YPEL2: variants seen among roughly 807,000 people sequenced by gnomAD.
YPEL2 encodes yippee like 2.
Under a neutral mutation model 19.1 loss-of-function variants are expected in YPEL2, and 2 were observed. The observed-to-expected ratio is 0.10, with a 90% CI of 0.04 to 0.33. The LOEUF (loss-of-function observed/expected upper bound fraction) is 0.33, where lower values mean the gene tolerates loss of function less well. Ranked by LOEUF, YPEL2 falls within the 10% of genes least tolerant of loss-of-function variation. The probability of loss-of-function intolerance (pLI) is 1.00; values close to 1 mark genes in which losing one functional copy is unlikely to be tolerated. For synonymous variants in YPEL2, 52 were observed against 50.0 expected (o/e 1.04, Z -0.17); for missense variants, 66 against 140.7 (o/e 0.47, Z 2.68).
In YPEL2 at chr17:59,398,076, T is replaced by C. The variant is rs1185873433; in HGVS notation, c.*886T>C. On this transcript the variant is annotated 3_prime_UTR_variant, in exon 5 of 5. Coordinates refer to ENST00000312655, the MANE Select transcript of YPEL2 (RefSeq NM_001005404.4). Reference sequence around the variant, plus strand: ...AGAGCAGGGCACAAAGGGGCTGCAGTTTGGGAGCTCCTGAAGAAATGGCTC... The same window carrying C: ...AGAGCAGGGCACAAAGGGGCTGCAGCTTGGGAGCTCCTGAAGAAATGGCTC... The C allele has an allele frequency of 6.6e-6, 1 of 152,118 alleles. No homozygotes were observed. The highest frequency in any genetic ancestry group is 1.5e-5 in the Non-Finnish European group (1 of 68,032). The allele number at this position is 152,118 out of a possible 1,614,324, so 9.4% of individuals were successfully genotyped here.
At chr17:59,390,311 A>C (rs992328543) in intron 4 of YPEL2, among the ~76,000 whole-genome samples, 1 of 151,750 alleles carries the variant, frequency 6.6e-6, no homozygotes, top group Non-Finnish European at 1.5e-5. Context: ...CAACAAATTT[A>C]TTTCTTAATA....
chr17:59,373,277 T>A (rs983123591), intron 2 of YPEL2, among the ~76,000 whole-genome samples: 8 of 152,014 alleles, frequency 5.3e-5, no homozygotes, highest in African/African-American at 1.2e-4. Context: ...TACTGAGGAG[T>A]CCTTAGCAGC....
At chr17:59,389,311 A>G (rs2047996316) in intron 3 of YPEL2, 49 bp from the exon 4 acceptor site, 1 of 1,515,598 alleles carries the variant, frequency 6.6e-7, no homozygotes, top group Non-Finnish European at 9.1e-7. Context: ...TGAATGCCTG[A>G]TGTGCGTGTC....
intron 4 of YPEL2, among the ~76,000 whole-genome samples, chr17:59,392,668 G>A (rs1045954452): frequency 6.6e-6 from 1 of 151,804 alleles, no homozygotes; most frequent in Admixed American, 6.6e-5. Flanking sequence ...GCGCCACCAC[G>A]CCCAGCTAAT....
At chr17:59,392,912 A>G (rs2048015262) in intron 4 of YPEL2, among the ~76,000 whole-genome samples, 1 of 152,072 alleles carries the variant, frequency 6.6e-6, no homozygotes, top group Non-Finnish European at 1.5e-5. Context: ...GGTCTCCCAA[A>G]GTGCTGGGAT....
intron 2 of YPEL2, among the ~76,000 whole-genome samples, chr17:59,383,951 T>G (rs2047967599): frequency 6.6e-6 from 1 of 152,096 alleles, no homozygotes; most frequent in Non-Finnish European, 1.5e-5. Flanking sequence ...TTTGGGGCGA[T>G]AATGAATTAA....
At chr17:59,389,268 C>T (rs964058241) in intron 3 of YPEL2, 92 bp from the exon 4 acceptor site, 1 of 1,202,200 alleles carries the variant, frequency 8.3e-7, no homozygotes, top group Non-Finnish European at 1.2e-6. Context: ...TTGGGACAGC[C>T]TTTCCCAGTT....
In YPEL2 at chr17:59,379,295, CTT is replaced by C. The variant is rs545814646; in HGVS notation, c.118-9030_118-9029del. Among the ~76,000 whole-genome samples the C allele has an allele frequency of 4.5e-3, 685 of 152,268 alleles. 6 individuals are homozygous for C. Among genetic ancestry groups the C allele is most frequent in the African/African-American group, 0.016 (662 of 41,554 alleles). Reference sequence around the variant, plus strand: ...GGGCTGTTTTGTTTGGGTTCCAACTCTTTGGAATGGAACCTATAGCTTACTTT... The same window carrying C: ...GGGCTGTTTTGTTTGGGTTCCAACTCTGGAATGGAACCTATAGCTTACTTT... On this transcript the variant is annotated intron_variant, in intron 2 of 4. Transcript: ENST00000312655.
At chr17:59,344,922 G>C (rs1057305542) in intron 1 of YPEL2, among the ~76,000 whole-genome samples, 5 of 152,192 alleles carry the variant, frequency 3.3e-5, no homozygotes, top group African/African-American at 1.2e-4. Context: ...TGGCACCAGG[G>C]ACCGGTTTTG....
intron 1 of YPEL2, among the ~76,000 whole-genome samples, chr17:59,342,024 T>A (rs551901465): frequency 6.6e-6 from 1 of 152,354 alleles, no homozygotes; most frequent in Non-Finnish European, 1.5e-5. Context: ...TGCTCTTCAG[T>A]TTTTAAAAAG....
chr17:59,343,018 A>G (rs951771094), intron 1 of YPEL2, among the ~76,000 whole-genome samples: 16 of 152,232 alleles, frequency 1.1e-4, no homozygotes, highest in Non-Finnish European at 1.5e-5. Flanking sequence ...GCTGTCAGAC[A>G]GCAGCCAGGT....
chr17:59,334,732 C>A (rs2047690836), intron 1 of YPEL2, among the ~76,000 whole-genome samples: 1 of 152,208 alleles, frequency 6.6e-6, no homozygotes, highest in Non-Finnish European at 1.5e-5. Flanking sequence ...TATCCAAATT[C>A]AACTTCCACT....
At chr17:59,368,648 A>G (rs1369043653) in intron 2 of YPEL2, among the ~76,000 whole-genome samples, 1 of 152,228 alleles carries the variant, frequency 6.6e-6, no homozygotes, top group Non-Finnish European at 1.5e-5. Context: ...CAGGGAAGAC[A>G]GATGGGGAGT....
chr17:59,367,553 A>G (rs567788262), intron 2 of YPEL2, among the ~76,000 whole-genome samples: 9 of 152,368 alleles, frequency 5.9e-5, no homozygotes, highest in African/African-American at 1.2e-4. Flanking sequence ...GAAAGGCCCA[A>G]TTAGGCCCTT....
chr17:59,386,143 C>A (rs995247522), intron 2 of YPEL2, among the ~76,000 whole-genome samples: 2 of 148,246 alleles, frequency 1.3e-5, no homozygotes, highest in Admixed American at 6.8e-5. Context: ...GGCAACATGG[C>A]AAGACCCTGT....
At chr17:59,372,049 C>G (rs1251377189) in intron 2 of YPEL2, among the ~76,000 whole-genome samples, 1 of 152,080 alleles carries the variant, frequency 6.6e-6, no homozygotes, top group Admixed American at 6.5e-5. Flanking sequence ...CCAGACAGTC[C>G]CCAAGGAGAG....
At chr17:59,335,498 G>A (rs187264973) in intron 1 of YPEL2, among the ~76,000 whole-genome samples, 14 of 152,082 alleles carry the variant, frequency 9.2e-5, no homozygotes, top group African/African-American at 3.4e-4. Flanking sequence ...GCCATACTTA[G>A]GTTTGTCATA....
At chr17:59,336,489 A>G (rs2047699362) in intron 1 of YPEL2, among the ~76,000 whole-genome samples, 1 of 152,242 alleles carries the variant, frequency 6.6e-6, no homozygotes, top group Non-Finnish European at 1.5e-5. Context: ...TGGAATCAGA[A>G]AGACCTGGAT....
chr17:59,367,825 A>G (rs931837883), intron 2 of YPEL2, among the ~76,000 whole-genome samples: 3 of 152,234 alleles, frequency 2.0e-5, no homozygotes, highest in Non-Finnish European at 4.4e-5. Context: ...TGATCAAGCC[A>G]GATAGGGCAC....
Sources: gnomAD v4.1 joint callset for allele counts (sites outside exome capture counted in the v4.1 genomes callset) on GRCh38, gnomAD v4.1.1 for gene constraint, MANE v1.5 for transcripts, NCBI Gene and HGNC (gene_info 2026-07-23, HGNC 2026-07-21) for gene names.